The following FANCI variants were observed in gnomAD, a reference collection of about 807,000 sequenced individuals.
The protein encoded by FANCI is FA complementation group I.
In FANCI, 156 loss-of-function variants were observed where a neutral mutation model predicts 176.1. That is an observed-to-expected ratio of 0.89 (90% CI 0.78 to 1.01). The LOEUF (loss-of-function observed/expected upper bound fraction) is 1.01, where lower values mean the gene tolerates loss of function less well. FANCI is among the 50% of genes least tolerant of loss of function. The pLI is 0.00. For synonymous variants in FANCI, 613 were observed against 541.7 expected (o/e 1.13, Z -1.83); for missense variants, 1,678 against 1,534.1 (o/e 1.09, Z -1.57).
At chr15:89,278,858 T>G in intron 14 of FANCI, 84 bp downstream of exon 14, 1 of 1,036,468 alleles carries the variant, frequency 9.6e-7, no homozygotes, top group Non-Finnish European at 1.5e-6. Flanking sequence ...GGAAAAAAAT[T>G]TTAATGAGCA....
intron 9 of FANCI, among the ~76,000 whole-genome samples, chr15:89,266,891 G>T (rs2052985155): frequency 6.6e-6 from 1 of 151,884 alleles, no homozygotes; most frequent in Non-Finnish European, 1.5e-5. Flanking sequence ...CTAGGTTTGA[G>T]ATATATATTA....
chr15:89,308,960 TAAAG>T (rs987336972), intron 34 of FANCI, among the ~76,000 whole-genome samples: 7 of 141,574 alleles, frequency 4.9e-5, no homozygotes, highest in South Asian at 2.3e-4. Flanking sequence ...AAAAAAAAAA[TAAAG>T]AATCAGCCAT....
At chr15:89,311,529 G>A (rs1047145511) in intron 34 of FANCI, among the ~76,000 whole-genome samples, 13 of 152,200 alleles carry the variant, frequency 8.5e-5, no homozygotes, top group African/African-American at 3.1e-4. Context: ...CCCCATCTTG[G>A]ACACAACCTC....
chr15:89,309,551 G>T (rs1453078977), intron 34 of FANCI, among the ~76,000 whole-genome samples: 1 of 152,086 alleles, frequency 6.6e-6, no homozygotes, highest in Non-Finnish European at 1.5e-5. Context: ...GCAACATAGT[G>T]AGACCCCGTC....
Position 89,295,042 on chromosome 15 carries a change from C to T in FANCI, c.2584C>T (p.Pro862Ser). 6.4e-7 allele frequency: 1 copy of T among 1,552,054 alleles called. No homozygotes were observed. The highest frequency in any genetic ancestry group is 8.7e-7 in the Non-Finnish European group (1 of 1,147,098). ...AAAGGAAACAGGGCATGTGAGTGGC[C>T]CTGATGGCCAAAACCCAGAAAAGAT... ...QLKETGHVSGPDGQNPEKIFQ... is the reference protein window; with the variant it reads ...QLKETGHVSGSDGQNPEKIFQ... Residue 862 changes from proline (P) to serine (S), a missense_variant, in exon 24 of 38, where the codon CCT (proline) becomes TCT (serine). By Grantham distance (74) the Pro-to-Ser change is moderately conservative. Coordinates refer to ENST00000310775, the MANE Select transcript of FANCI (RefSeq NM_001113378.2).
At chr15:89,307,110 C>T (rs1192117492) in intron 32 of FANCI, among the ~76,000 whole-genome samples, 1 of 152,184 alleles carries the variant, frequency 6.6e-6, no homozygotes, top group African/African-American at 2.4e-5. Flanking sequence ...GTGGCTCTCT[C>T]AGAATGTGTA....
chr15:89,260,715 T>TC lies in FANCI; in HGVS notation c.165dup (p.Cys56LeufsTer3). On this transcript the variant is annotated frameshift_variant, in exon 4 of 38. Coordinates refer to ENST00000310775, the MANE Select transcript of FANCI (RefSeq NM_001113378.2). LOFTEE classifies it high-confidence loss of function. ...AACCCCCTGTTTAAAACAATAAGGT[T>TC]CCCCCTGCTCTGAGGAAGCTGGAAC... 2 of 1,613,666 alleles carry TC rather than the reference T, an allele frequency of 1.2e-6. No homozygotes were observed. Among genetic ancestry groups the TC allele is most frequent in the Non-Finnish European group, 1.7e-6 (2 of 1,179,752 alleles).
At chr15:89,288,053 A>G (rs2053892666) in intron 18 of FANCI, among the ~76,000 whole-genome samples, 1 of 152,206 alleles carries the variant, frequency 6.6e-6, no homozygotes, top group African/African-American at 2.4e-5. Flanking sequence ...GACTTGCTTG[A>G]TGTAGGGTTG....
chr15:89,274,954 G>C (rs886620411), intron 12 of FANCI, among the ~76,000 whole-genome samples: 1 of 151,904 alleles, frequency 6.6e-6, no homozygotes, highest in Non-Finnish European at 1.5e-5. Flanking sequence ...GCCCAGGCTG[G>C]AGTGCAATGG....
chr15:89,308,801 C>G (rs1377655087), intron 34 of FANCI, among the ~76,000 whole-genome samples: 1 of 152,098 alleles, frequency 6.6e-6, no homozygotes, highest in Non-Finnish European at 1.5e-5. Flanking sequence ...AAAAAATTAG[C>G]TGAGCATGCT....
At chr15:89,300,114 C>G (rs1258007199) in intron 25 of FANCI, 148 bp downstream of exon 25, 4 of 1,042,988 alleles carry the variant, frequency 3.8e-6, no homozygotes, top group Non-Finnish European at 4.4e-6. Context: ...GGATTGGTAC[C>G]TACTGGATTA....
At chr15:89,305,558 CCCA>C (rs1435270163) in intron 30 of FANCI, 44 bp from the exon 31 acceptor site, 2 of 1,605,986 alleles carry the variant, frequency 1.2e-6, no homozygotes, top group East Asian at 4.5e-5. Flanking sequence ...TTATATTACC[CCCA>C]CAGCTGTGTG....
At chr15:89,283,373 ATGATGATGATGGTGC>A (rs1217972555) in intron 17 of FANCI, 123 bp downstream of exon 17, 1 of 1,380,994 alleles carries the variant, frequency 7.2e-7, no homozygotes, top group Non-Finnish European at 1.0e-6. Context: ...AAAGAGTCTG[ATGATGATGATGGTGC>A]TGATGATGAT....
At chr15:89,305,745 C>G (rs2054693977) in intron 31 of FANCI, 47 bp downstream of exon 31, 5 of 1,573,722 alleles carry the variant, frequency 3.2e-6, no homozygotes, top group African/African-American at 1.3e-5. Flanking sequence ...TGAGCAAGGT[C>G]AAAATTCATA....
intron 6 of FANCI, 27 bp downstream of exon 6, chr15:89,261,905 T>C (rs2052724879): frequency 6.2e-7 from 1 of 1,607,820 alleles, no homozygotes; most frequent in South Asian, 1.1e-5. Flanking sequence ...TGTATAACTT[T>C]CTTAGGAATA....
At chr15:89,278,585 T>C in intron 13 of FANCI, 102 bp from the exon 14 acceptor site, 1 of 804,402 alleles carries the variant, frequency 1.2e-6, no homozygotes. Context: ...TTTTTGAGTT[T>C]TACTCATATC....
chr15:89,300,471 A>G, intron 26 of FANCI, 86 bp downstream of exon 26: 1 of 1,166,326 alleles, frequency 8.6e-7, no homozygotes, highest in East Asian at 2.4e-5. Flanking sequence ...GAATGGGCAG[A>G]CAGTGACCAA....
chr15:89,266,288 A>G (rs895347768), intron 9 of FANCI, among the ~76,000 whole-genome samples: 11 of 148,938 alleles, frequency 7.4e-5, no homozygotes, highest in South Asian at 2.1e-4. Context: ...CAGCCTCCCA[A>G]GTGGCTGGCA....
chr15:89,313,058 C>A, intron 35 of FANCI, 86 bp downstream of exon 35: 3 of 1,244,348 alleles, frequency 2.4e-6, no homozygotes, highest in East Asian at 2.3e-5. Context: ...AAAAAGACCA[C>A]GTGTTGTATG....
Sources: gnomAD v4.1 joint callset for allele counts (sites outside exome capture counted in the v4.1 genomes callset) on GRCh38, gnomAD v4.1.1 for gene constraint, MANE v1.5 for transcripts, NCBI Gene and HGNC (gene_info 2026-07-23, HGNC 2026-07-21) for gene names.